LEKR1: variants seen among roughly 807,000 people sequenced by gnomAD.
The protein encoded by LEKR1 is protein LEKR1.
Under a neutral mutation model 72.4 loss-of-function variants are expected in LEKR1, and 59 were observed. The ratio of observed to expected loss-of-function variants is 0.82; its 90% CI spans 0.66 to 1.01. The LOEUF is 1.01. LEKR1 is among the 50% of genes least tolerant of loss of function. The probability of loss-of-function intolerance (pLI) is 0.00; values close to 1 mark genes in which losing one functional copy is unlikely to be tolerated. For missense variants in LEKR1, 728 were observed against 759.2 expected (o/e 0.96, Z 0.48); for synonymous variants, 257 against 263.2 (o/e 0.98, Z 0.23).
At chr3:157,008,212 C>T (rs977031648) in intron 9 of LEKR1, among the ~76,000 whole-genome samples, 28 of 152,162 alleles carry the variant, frequency 1.8e-4, no homozygotes, top group African/African-American at 6.5e-4. Flanking sequence ...CTCTCCCTTC[C>T]TAGTTCACCT....
At chr3:156,868,270 G>A (rs1046040194) in intron 3 of LEKR1, among the ~76,000 whole-genome samples, 25 of 151,982 alleles carry the variant, frequency 1.6e-4, no homozygotes, top group African/African-American at 4.8e-4. Flanking sequence ...GTTGGAAAGC[G>A]GTTTCTTCAA....
intron 6 of LEKR1, among the ~76,000 whole-genome samples, chr3:156,971,663 A>T (rs1262870796): frequency 9.9e-5 from 15 of 152,240 alleles, no homozygotes; most frequent in Non-Finnish European, 1.8e-4. Context: ...AAACAACCCC[A>T]TCAAAAAGTG....
chr3:157,038,470 A>G (rs977146801), intron 12 of LEKR1, among the ~76,000 whole-genome samples: 34 of 152,336 alleles, frequency 2.2e-4, no homozygotes, highest in Middle Eastern at 3.4e-3. Context: ...ATTTTGGACA[A>G]TTCCACATGT....
intron 4 of LEKR1, among the ~76,000 whole-genome samples, chr3:156,926,628 T>G (rs549529083): frequency 9.5e-4 from 144 of 152,006 alleles, no homozygotes; most frequent in Non-Finnish European, 1.5e-3. Flanking sequence ...CCCTAGCACT[T>G]CTCACTTTTC....
intron 6 of LEKR1, among the ~76,000 whole-genome samples, chr3:156,966,142 T>G (rs1355932793): frequency 6.6e-6 from 1 of 151,968 alleles, no homozygotes; most frequent in Non-Finnish European, 1.5e-5. Context: ...TAAATAGTGA[T>G]GGGGGTGGAG....
intron 2 of LEKR1, among the ~76,000 whole-genome samples, chr3:156,848,958 A>C (rs1296918718): frequency 1.3e-5 from 2 of 152,196 alleles, no homozygotes; most frequent in African/African-American, 4.8e-5. Context: ...GAAAAGAGGA[A>C]GTCAAATTGT....
intron 3 of LEKR1, among the ~76,000 whole-genome samples, chr3:156,902,876 G>C (rs1722167949): frequency 6.6e-6 from 1 of 151,656 alleles, no homozygotes; most frequent in Non-Finnish European, 1.5e-5. Flanking sequence ...TAATTATACA[G>C]TTTAATATCC....
chr3:156,934,599 A>G (rs911572901), intron 5 of LEKR1, among the ~76,000 whole-genome samples: 1 of 152,192 alleles, frequency 6.6e-6, no homozygotes, highest in Non-Finnish European at 1.5e-5. Flanking sequence ...AAATATAAAC[A>G]CTTAATAATT....
At chr3:157,020,493 T>C (rs916221902) in intron 10 of LEKR1, among the ~76,000 whole-genome samples, 1 of 141,790 alleles carries the variant, frequency 7.1e-6, no homozygotes, top group Non-Finnish European at 1.5e-5. Flanking sequence ...GTGTTCTCGT[T>C]GTTCAATTGC....
At chr3:156,902,665 G>A (rs547730413) in intron 3 of LEKR1, among the ~76,000 whole-genome samples, 4 of 151,370 alleles carry the variant, frequency 2.6e-5, no homozygotes, top group African/African-American at 9.8e-5. Context: ...GAGTAGCTAT[G>A]TGTTCCTATA....
intron 3 of LEKR1, among the ~76,000 whole-genome samples, chr3:156,909,655 C>CA (rs10662704): frequency 0.62 from 63,369 of 101,506 alleles, 16,978 homozygotes; most frequent in East Asian, 0.74. Flanking sequence ...GAGTCTGTCT[C>CA]AAAAAAAAAA....
chr3:156,849,727 C>T (rs1257789039), intron 2 of LEKR1, among the ~76,000 whole-genome samples: 2 of 152,166 alleles, frequency 1.3e-5, no homozygotes, highest in Non-Finnish European at 2.9e-5. Flanking sequence ...GAAACTGGAT[C>T]CCTTCCTTGC....
intron 9 of LEKR1, among the ~76,000 whole-genome samples, chr3:157,001,997 G>C (rs1732053443): frequency 6.6e-6 from 1 of 152,108 alleles, no homozygotes; most frequent in Non-Finnish European, 1.5e-5. Context: ...AAACTGGGAA[G>C]CTCCAGTTTT....
At chr3:156,934,702 G>A (rs931561643) in intron 5 of LEKR1, among the ~76,000 whole-genome samples, 1 of 151,378 alleles carries the variant, frequency 6.6e-6, no homozygotes, top group African/African-American at 2.4e-5. Flanking sequence ...CAGAAAAGGG[G>A]CAAAAAAAAG....
rs774313217 is a variant in LEKR1, at chr3:156,993,328, T to A, written c.1109+51T>A. The A allele has an allele frequency of 3.3e-6, 4 of 1,204,944 alleles. No individual in the cohort carries two copies. In the Admixed American group the frequency reaches 8.7e-5, roughly 26 times the overall value. The allele number at this position is 1,204,944 out of a possible 1,614,324, so 74.6% of individuals were successfully genotyped here. A position where few individuals can be genotyped will look rare whatever the true frequency, so the allele number is the denominator to read the frequency against. On this transcript the variant is annotated intron_variant, in intron 9 of 12. Transcript: ENST00000356539. ...AAAACATTTTATGTTTAAGTTAGTATTCCATATATATTTGCAACATCAGTG... is the reference window on the plus strand; with the variant it reads ...AAAACATTTTATGTTTAAGTTAGTAATCCATATATATTTGCAACATCAGTG...
At chr3:156,868,815 A>G (rs1195285287) in intron 3 of LEKR1, among the ~76,000 whole-genome samples, 4 of 151,828 alleles carry the variant, frequency 2.6e-5, no homozygotes, top group Admixed American at 6.6e-5. Context: ...GTTTGTACCC[A>G]TTTACCAGCC....
In LEKR1 at chr3:157,003,339, G is replaced by A. The variant is rs146350620; in HGVS notation, c.1110-8074G>A. Among the ~76,000 whole-genome samples, 385 of 152,212 alleles carry A rather than the reference G, an allele frequency of 2.5e-3. 4 individuals are homozygous for A. The highest frequency in any genetic ancestry group is 8.7e-3 in the African/African-American group (363 of 41,554). On this transcript the variant is annotated intron_variant, in intron 9 of 12. Transcript: ENST00000356539. ...CTGAAGCTGTACAATACCACTTATAGGAAGACCATTGTATTAGTTTCCTAT... is the reference window on the plus strand; with the variant it reads ...CTGAAGCTGTACAATACCACTTATAAGAAGACCATTGTATTAGTTTCCTAT...
chr3:156,893,606 C>T (rs1336730150), intron 3 of LEKR1, among the ~76,000 whole-genome samples: 6 of 152,074 alleles, frequency 3.9e-5, no homozygotes, highest in African/African-American at 1.2e-4. Flanking sequence ...TGTGGCATCC[C>T]TCCCCCTTGC....
At chr3:156,904,599 C>T (rs2108565109) in intron 3 of LEKR1, among the ~76,000 whole-genome samples, 1 of 151,216 alleles carries the variant, frequency 6.6e-6, no homozygotes, top group African/African-American at 2.4e-5. Context: ...AACTGGACTG[C>T]AGACACGCCA....
Sources: allele counts gnomAD v4.1 joint callset (sites outside exome capture counted in the v4.1 genomes callset), GRCh38; gene constraint gnomAD v4.1.1; transcripts MANE v1.5; gene names NCBI Gene and HGNC (gene_info 2026-07-23, HGNC 2026-07-21).